The following ROBO1 variants were observed in gnomAD, a reference collection of about 807,000 sequenced individuals.
ROBO1 encodes the protein roundabout homolog 1.
Under a neutral mutation model 195.9 loss-of-function variants are expected in ROBO1, and 149 were observed. That is an observed-to-expected ratio of 0.76 (90% CI 0.67 to 0.87). The LOEUF (loss-of-function observed/expected upper bound fraction) is 0.87. Among genes scored for constraint, ROBO1 ranks in the 40% least tolerant of loss-of-function variants. The probability of loss-of-function intolerance (pLI) is 0.00; values close to 1 mark genes in which losing one functional copy is unlikely to be tolerated. For missense variants in ROBO1, 1,933 were observed against 2,068.3 expected (o/e 0.93, Z 1.27); for synonymous variants, 816 against 733.2 (o/e 1.11, Z -1.82).
chr3:79,602,381 G>GCAT (rs1944364517), intron 1 of ROBO1, among the ~76,000 whole-genome samples: 1 of 152,000 alleles, frequency 6.6e-6, no homozygotes, highest in African/African-American at 2.4e-5. Context: ...TGTGTTGCGT[G>GCAT]CATTCTAGAA....
chr3:78,965,959 A>G (rs1252244239), intron 3 of ROBO1, among the ~76,000 whole-genome samples: 2 of 152,226 alleles, frequency 1.3e-5, no homozygotes, highest in Admixed American at 1.3e-4. Context: ...TTATCTTTAA[A>G]TGCAACAAGC....
chr3:79,688,775 C>T (rs1489230555), intron 1 of ROBO1, among the ~76,000 whole-genome samples: 1 of 151,886 alleles, frequency 6.6e-6, no homozygotes, highest in Non-Finnish European at 1.5e-5. Context: ...CTCCCAGAGT[C>T]CTAAAATTCA....
chr3:79,534,528 C>T (rs1381202515), intron 2 of ROBO1, among the ~76,000 whole-genome samples: 2 of 152,182 alleles, frequency 1.3e-5, no homozygotes, highest in East Asian at 1.9e-4. Context: ...TCAGACAAAG[C>T]CTGAAAATCT....
chr3:79,766,469 A>C (rs918281225), intron 1 of ROBO1, among the ~76,000 whole-genome samples: 1 of 151,546 alleles, frequency 6.6e-6, no homozygotes, highest in South Asian at 2.1e-4. Context: ...GACTCCTAGA[A>C]GGGTATCCCA....
chr3:78,681,671 G>A (rs1335980170), intron 10 of ROBO1, among the ~76,000 whole-genome samples: 1 of 152,100 alleles, frequency 6.6e-6, no homozygotes, highest in Non-Finnish European at 1.5e-5. Flanking sequence ...TTGGGAGGCC[G>A]AGGCGGGTGG....
intron 4 of ROBO1, among the ~76,000 whole-genome samples, chr3:78,917,414 C>A (rs1374129001): frequency 6.6e-6 from 1 of 152,054 alleles, no homozygotes; most frequent in Non-Finnish European, 1.5e-5. Flanking sequence ...GGGACATCAT[C>A]TTTTAGAAAA....
At chr3:78,917,750 C>T (rs1203046786) in intron 4 of ROBO1, among the ~76,000 whole-genome samples, 2 of 152,184 alleles carry the variant, frequency 1.3e-5, no homozygotes, top group Non-Finnish European at 2.9e-5. Context: ...ACATATTGCT[C>T]ACTCAGCTTT....
At chr3:78,600,433 G>T (rs1216105714) in intron 29 of ROBO1, 124 bp from the exon 30 acceptor site, 3 of 663,738 alleles carry the variant, frequency 4.5e-6, no homozygotes, top group Non-Finnish European at 7.9e-6. Context: ...TATAAATGAG[G>T]ACACTCTATA....
At position 79,032,393 on chromosome 3, in the gene ROBO1, T is replaced by C. The variant is rs377077090; in HGVS notation, c.172+93063A>G. 3.7e-4 allele frequency among the ~76,000 whole-genome samples: 56 copies of C among 152,078 alleles called. 1 individual carries two copies. In the South Asian group the frequency reaches 0.012, roughly 31 times the overall value. On this transcript the variant is annotated intron_variant, in intron 3 of 30. Transcript: ENST00000464233. ...TTCATTTGTCCATCATAAAATGATTTAAAAATGAAAAATAATATAATAAAT... is the reference window on the plus strand; with the variant it reads ...TTCATTTGTCCATCATAAAATGATTCAAAAATGAAAAATAATATAATAAAT...
At chr3:79,590,326 A>G (rs1321971157) in intron 1 of ROBO1, among the ~76,000 whole-genome samples, 1 of 151,748 alleles carries the variant, frequency 6.6e-6, no homozygotes, top group African/African-American at 2.4e-5. Context: ...TCATTAAACA[A>G]ATATTTACAA....
chr3:79,706,309 A>G (rs999309435), intron 1 of ROBO1, among the ~76,000 whole-genome samples: 1 of 152,166 alleles, frequency 6.6e-6, no homozygotes, highest in Non-Finnish European at 1.5e-5. Flanking sequence ...CCCTTTATCA[A>G]GTTGAATAAG....
chr3:78,970,260 C>G (rs991241450), intron 3 of ROBO1, among the ~76,000 whole-genome samples: 5 of 152,154 alleles, frequency 3.3e-5, no homozygotes, highest in Non-Finnish European at 7.4e-5. Context: ...ATTTACTTCA[C>G]AGATTAAATA....
At chr3:78,727,329 T>A (rs1421702282) in intron 5 of ROBO1, among the ~76,000 whole-genome samples, 3 of 152,146 alleles carry the variant, frequency 2.0e-5, no homozygotes, top group Non-Finnish European at 4.4e-5. Context: ...AAGAATACTT[T>A]AAAAAACTAC....
intron 1 of ROBO1, among the ~76,000 whole-genome samples, chr3:79,704,100 G>C (rs1310645989): frequency 6.6e-6 from 1 of 151,732 alleles, no homozygotes; most frequent in Non-Finnish European, 1.5e-5. Context: ...CAGCAATATT[G>C]AGACAAGGGT....
At chr3:78,790,667 A>T (rs749325534) in intron 4 of ROBO1, among the ~76,000 whole-genome samples, 1 of 152,270 alleles carries the variant, frequency 6.6e-6, no homozygotes, top group South Asian at 2.1e-4. Flanking sequence ...AACACTCCCT[A>T]CTAAGAAAAA....
In ROBO1 at chr3:79,541,073, A is replaced by T. The variant is rs1219870108; in HGVS notation, c.88+48751T>A. Among the ~76,000 whole-genome samples the T allele has an allele frequency of 5.9e-5, 9 of 152,134 alleles. No individual in the cohort carries two copies. In the East Asian group the frequency reaches 1.3e-3, roughly 23 times the overall value. Reference sequence around the variant, plus strand: ...ATCCTGGATGGAATGAAATTCTAAAAGTGTTAACTTCATACTGATTATAAA... The same window carrying T: ...ATCCTGGATGGAATGAAATTCTAAATGTGTTAACTTCATACTGATTATAAA... On this transcript the variant is annotated intron_variant, in intron 2 of 30. Transcript: ENST00000464233.
At chr3:78,897,585 A>T (rs1036219240) in intron 4 of ROBO1, among the ~76,000 whole-genome samples, 3 of 152,198 alleles carry the variant, frequency 2.0e-5, no homozygotes, top group Admixed American at 1.3e-4. Context: ...TTTTGAGAGC[A>T]TAAAAGATTG....
chr3:79,378,434 G>A (rs968327385), intron 2 of ROBO1, among the ~76,000 whole-genome samples: 19 of 152,236 alleles, frequency 1.2e-4, no homozygotes, highest in Non-Finnish European at 4.4e-5. Context: ...CTGCTGCTGT[G>A]CTTTAATCCC....
chr3:78,636,284 A>G (rs1486616741), intron 22 of ROBO1, among the ~76,000 whole-genome samples, 176 bp from the exon 23 acceptor site: 1 of 152,220 alleles, frequency 6.6e-6, no homozygotes, highest in African/African-American at 2.4e-5. Context: ...GAAAATTAAT[A>G]ATTGAAAAAA....
Sources: allele counts gnomAD v4.1 joint callset (sites outside exome capture counted in the v4.1 genomes callset), GRCh38; gene constraint gnomAD v4.1.1; transcripts MANE v1.5; gene names NCBI Gene and HGNC (gene_info 2026-07-23, HGNC 2026-07-21).